The following STAT1 variants were observed in gnomAD, a reference collection of about 807,000 sequenced individuals.
The protein encoded by STAT1 is signal transducer and activator of transcription 1-alpha/beta.
STAT1 carries 24 observed loss-of-function variants against 111.7 expected under a neutral mutation model. The observed-to-expected ratio is 0.21, with a 90% CI of 0.16 to 0.30. STAT1 has a LOEUF of 0.30. Among genes scored for constraint, STAT1 ranks in the 10% least tolerant of loss-of-function variants. The pLI is 1.00. For missense variants in STAT1, 351 were observed against 911.9 expected, an observed-to-expected ratio of 0.38 and a Z score of 7.92; for synonymous variants, 332 against 326.5, an observed-to-expected ratio of 1.02 and a Z score of -0.18.
In STAT1 at chr2:190,978,954, T is replaced by C; in HGVS notation, c.1775A>G (p.Lys592Arg). Reference protein sequence around the residue: ...ISKERERALLKDQQPGTFLLR... With the variant: ...ISKERERALLRDQQPGTFLLR... Reference sequence around the variant, plus strand: ...CAGGAAGGTCCCCGGCTGCTGGTCCTTCAACAGGGCACGCTCTCGCTCCTT... The same window carrying C: ...CAGGAAGGTCCCCGGCTGCTGGTCCCTCAACAGGGCACGCTCTCGCTCCTT... Residue 592 changes from lysine (K) to arginine (R), a missense_variant, in exon 21 of 25, where the codon AAG becomes AGG. By Grantham distance (26) the Lys-to-Arg change is conservative. This residue lies in a region of STAT1 where 181 missense variants were observed against 426.1 expected (regional missense o/e 0.42). Transcript: ENST00000361099. This position sits in a 1 kb window ranked among gnomAD's most constrained non-coding sequence, Gnocchi z 6.1. 2 of 1,614,190 alleles carry C rather than the reference T, an allele frequency of 1.2e-6. No homozygotes were observed. Among genetic ancestry groups the C allele is most frequent in the Non-Finnish European group, 8.5e-7 (1 of 1,180,030 alleles).
rs116151753 is a variant in STAT1, at chr2:190,981,512, C to T, written c.1583-843G>A. Among the ~76,000 whole-genome samples, 268 of 152,292 alleles carry T rather than the reference C, an allele frequency of 1.8e-3. No individual in the cohort carries two copies. The highest frequency in any genetic ancestry group is 6.2e-3 in the African/African-American group (259 of 41,564). ...GAGAACTACAAATGAGCCATTACAG[C>T]TAGAAAAGATATCCTTCTTAACTCT... On this transcript the variant is annotated intron_variant, in intron 18 of 24. Coordinates refer to ENST00000361099, the MANE Select transcript of STAT1 (RefSeq NM_007315.4). The surrounding 1 kb of genome is among the most constrained non-coding windows in gnomAD (Gnocchi z 4.1).
chr2:190,988,409 C>G (rs1693038701), intron 12 of STAT1, among the ~76,000 whole-genome samples: 1 of 152,198 alleles, frequency 6.6e-6, no homozygotes, highest in South Asian at 2.1e-4. Context: ...GACAGAGTCT[C>G]ACTCTGTCAC....
At position 191,014,083 on chromosome 2, in the gene STAT1, G is replaced by C. The variant is rs564075337; in HGVS notation, c.-221C>G. 1.9e-3 allele frequency: 316 copies of C among 162,500 alleles called. 2 individuals are homozygous for C. Among genetic ancestry groups the C allele is most frequent in the African/African-American group, 7.4e-3 (312 of 42,064 alleles). The allele number at this position is 162,500 out of a possible 1,614,324, so 10.1% of individuals were successfully genotyped here. ...GGTGCAGCCTCTCCCGAGCGCGCTG[G>C]GTCGCCTCTGCTCGGTCTGGGGTCT... On this transcript the variant is annotated 5_prime_UTR_variant, in exon 1 of 25. Coordinates refer to ENST00000361099, the MANE Select transcript of STAT1 (RefSeq NM_007315.4).
intron 10 of STAT1, 40 bp from the exon 11 acceptor site, chr2:190,991,360 C>T (rs745951022): frequency 1.3e-6 from 2 of 1,593,768 alleles, no homozygotes; most frequent in South Asian, 1.1e-5. Flanking sequence ...TTAGCATTTC[C>T]ATTAAGGTTG....
rs1235334359 is a variant in STAT1, at chr2:190,999,288, T to C, written c.541+338A>G. On this transcript the variant is annotated intron_variant, in intron 7 of 24. Transcript: ENST00000361099. The surrounding 1 kb of genome is among the most constrained non-coding windows in gnomAD (Gnocchi z 4.1). ...ATGGTGAGTAACACATAACCAGTGG[T>C]TATCAAGTAGGGGTCACTGACCCCT... 6.6e-6 allele frequency among the ~76,000 whole-genome samples: 1 copy of C among 151,998 alleles called. No individual in the cohort carries two copies. The highest frequency in any genetic ancestry group is 1.5e-5 in the Non-Finnish European group (1 of 68,004).
rs963299906 is a variant in STAT1, at chr2:191,006,153, G to A, written c.372+1410C>T. On this transcript the variant is annotated intron_variant, in intron 5 of 24. Coordinates refer to ENST00000361099, the MANE Select transcript of STAT1 (RefSeq NM_007315.4). This position sits in a 1 kb window ranked among gnomAD's most constrained non-coding sequence, Gnocchi z 4.6. ...TCTTTGCTCCTGGCTGTCCTTTCAA[G>A]TCTATTAGAAATACAGAGGAGGCCC... is the stretch of plus-strand genomic sequence containing the variant. Among the ~76,000 whole-genome samples, 6 of 152,196 alleles carry A rather than the reference G, an allele frequency of 3.9e-5. No homozygotes were observed. Among genetic ancestry groups the A allele is most frequent in the Non-Finnish European group, 7.3e-5 (5 of 68,036 alleles).
At chr2:190,972,153 C>G (rs1691532724) in intron 24 of STAT1, among the ~76,000 whole-genome samples, 1 of 152,168 alleles carries the variant, frequency 6.6e-6, no homozygotes, top group South Asian at 2.1e-4. Context: ...AGTGGCTTAA[C>G]CTCTCTAAAT....
rs186622867 is a variant in STAT1 at position 190,981,580 on chromosome 2, T to C, written c.1582+803A>G. Among the ~76,000 whole-genome samples, 1 of 152,328 alleles carries C rather than the reference T, an allele frequency of 6.6e-6. No individual in the cohort carries two copies. Among genetic ancestry groups the C allele is most frequent in the Admixed American group, 6.5e-5 (1 of 15,310 alleles). On this transcript the variant is annotated intron_variant, in intron 18 of 24. Coordinates refer to ENST00000361099, the MANE Select transcript of STAT1 (RefSeq NM_007315.4). The surrounding 1 kb of genome is among the most constrained non-coding windows in gnomAD (Gnocchi z 4.1). ...GAATAAGGGGATTTTGTACTTGTAT[T>C]AAACAGCACAAGACCACCACTGTGA...
Position 190,973,456 on chromosome 2 carries a change from A to G in STAT1, c.2238+1374T>C, listed in dbSNP as rs1293771928. Among the ~76,000 whole-genome samples the G allele has an allele frequency of 6.6e-6, 1 of 152,202 alleles. No individual in the cohort carries two copies. ...GGACTGAATGAGTTACTACCTGTGA[A>G]GTACATGGTATACTGTAGGTGCTTA... On this transcript the variant is annotated intron_variant, in intron 24 of 24. Transcript: ENST00000361099. This position sits in a 1 kb window ranked among gnomAD's most constrained non-coding sequence, Gnocchi z 4.4.
Position 190,989,796 on chromosome 2 carries a change from C to CA in STAT1, c.1038-123dup, listed in dbSNP as rs935733612. ...CCCTCCAGTTTTAGGGTATTACCAA[C>CA]AAAAAAACTGACAGTTTTGTAGATC... is the stretch of plus-strand genomic sequence containing the variant. On this transcript the variant is annotated intron_variant, in intron 11 of 24. Coordinates refer to ENST00000361099, the MANE Select transcript of STAT1 (RefSeq NM_007315.4). The surrounding 1 kb of genome is among the most constrained non-coding windows in gnomAD (Gnocchi z 5.0). 1.3e-5 allele frequency: 9 copies of CA among 674,604 alleles called. No homozygotes were observed. Among genetic ancestry groups the CA allele is most frequent in the South Asian group, 3.6e-5 (2 of 55,376 alleles). The allele number at this position is 674,604 out of a possible 1,614,324, so 41.8% of individuals were successfully genotyped here.
At chr2:190,994,941 T>TATATATAA (rs1483056547) in intron 10 of STAT1, 120 bp downstream of exon 10, 8 of 204,740 alleles carry the variant, frequency 3.9e-5, no homozygotes, top group African/African-American at 2.2e-4. Flanking sequence ...TATATATATA[T>TATATATAA]ATATATATAT....
In STAT1 at chr2:191,000,874, A is replaced by C. The variant is rs1415868267; in HGVS notation, c.462+200T>G. Among the ~76,000 whole-genome samples, 3 of 152,232 alleles carry C rather than the reference A, an allele frequency of 2.0e-5. No homozygotes were observed. The highest frequency in any genetic ancestry group is 4.4e-5 in the Non-Finnish European group (3 of 68,040). On this transcript the variant is annotated intron_variant, in intron 6 of 24. Transcript: ENST00000361099. The surrounding 1 kb of genome is among the most constrained non-coding windows in gnomAD (Gnocchi z 4.8). Reference sequence around the variant, plus strand: ...AAGCTAAACTCAATGTTTGGCAGTTATAAGAGGCCATTCAAAAAGTCTATC... The same window carrying C: ...AAGCTAAACTCAATGTTTGGCAGTTCTAAGAGGCCATTCAAAAAGTCTATC...
In STAT1 at chr2:190,993,636, C is replaced by G; in HGVS notation, c.944+1425G>C. On this transcript the variant is annotated intron_variant, in intron 10 of 24. Coordinates refer to ENST00000361099, the MANE Select transcript of STAT1 (RefSeq NM_007315.4). This position sits in a 1 kb window ranked among gnomAD's most constrained non-coding sequence, Gnocchi z 4.1. ...CAGCTGCTGCCCTGACTCTCTGCAC[C>G]ACGGGTAACTGAAGGAAAGGAATGA... 1.8e-6 allele frequency: 1 copy of G among 559,446 alleles called. No individual in the cohort carries two copies. Among genetic ancestry groups the G allele is most frequent in the South Asian group, 1.6e-5 (1 of 63,200 alleles). The allele number at this position is 559,446 out of a possible 1,614,324, so 34.7% of individuals were successfully genotyped here. A position where few individuals can be genotyped will look rare whatever the true frequency, so the allele number is the denominator to read the frequency against.
At chr2:190,991,187 C>T (rs1035315177) in intron 11 of STAT1, 41 bp downstream of exon 11, 22 of 1,589,532 alleles carry the variant, frequency 1.4e-5, no homozygotes, top group African/African-American at 1.1e-4. Flanking sequence ...GTACAAACTA[C>T]GTGACAGGTG....
rs1401242051 is a variant in STAT1 at position 190,977,464 on chromosome 2, A to G, written c.1874-439T>C. Among the ~76,000 whole-genome samples the G allele has an allele frequency of 6.6e-6, 1 of 152,230 alleles. No individual in the cohort carries two copies. Among genetic ancestry groups the G allele is most frequent in the Admixed American group, 6.5e-5 (1 of 15,286 alleles). On this transcript the variant is annotated intron_variant, in intron 21 of 24. Transcript: ENST00000361099. This position sits in a 1 kb window ranked among gnomAD's most constrained non-coding sequence, Gnocchi z 4.7. The stretch of plus-strand genomic sequence containing the variant: ...ATCTAATTTTTTATTAAAATAAATT[A>G]TGATATATAGAAAACAACATTTCAA...
In STAT1 at chr2:190,974,272, A is replaced by G. The variant is rs9789700; in HGVS notation, c.2238+558T>C. 7.9e-3 allele frequency among the ~76,000 whole-genome samples: 1,199 copies of G among 152,270 alleles called. 33 individuals carry two copies. The highest frequency in any genetic ancestry group is 0.054 in the East Asian group (280 of 5,174). ...AATCATATTCCCATTTCTATCACGA[A>G]TCTCATTAACTATTTCACTCCTTGA... On this transcript the variant is annotated intron_variant, in intron 24 of 24. Coordinates refer to ENST00000361099, the MANE Select transcript of STAT1 (RefSeq NM_007315.4). The surrounding 1 kb of genome is among the most constrained non-coding windows in gnomAD (Gnocchi z 4.8).
intron 12 of STAT1, among the ~76,000 whole-genome samples, chr2:190,988,142 A>C (rs566274907): frequency 2.5e-4 from 38 of 152,286 alleles, no homozygotes; most frequent in African/African-American, 8.4e-4. Flanking sequence ...GATGCTATAG[A>C]TGTTCCAAGG....
Position 191,003,758 on chromosome 2 carries a change from T to C in STAT1, c.373-2595A>G, listed in dbSNP as rs2125086868. On this transcript the variant is annotated intron_variant, in intron 5 of 24. Transcript: ENST00000361099. This position sits in a 1 kb window ranked among gnomAD's most constrained non-coding sequence, Gnocchi z 4.0. ...CTTATAAATTACCCAGTCTCAGGTA[T>C]TTCTTTATAGCCATGCAAGAACAGA... is the stretch of plus-strand genomic sequence containing the variant. 6.6e-6 allele frequency among the ~76,000 whole-genome samples: 1 copy of C among 152,292 alleles called. No homozygotes were observed. The highest frequency in any genetic ancestry group is 1.9e-4 in the East Asian group (1 of 5,186).
chr2:190,997,782 C>A lies in STAT1; in HGVS notation c.785+74G>T. On this transcript the variant is annotated intron_variant, in intron 9 of 24. Coordinates refer to ENST00000361099, the MANE Select transcript of STAT1 (RefSeq NM_007315.4). The surrounding 1 kb of genome is among the most constrained non-coding windows in gnomAD (Gnocchi z 7.3). Reference sequence around the variant, plus strand: ...TTTGACAGGGTCCATTCAACTAACACAGCTCAAAGGTACATTTATGTGTTT... The same window carrying A: ...TTTGACAGGGTCCATTCAACTAACAAAGCTCAAAGGTACATTTATGTGTTT... 6.2e-7 allele frequency: 1 copy of A among 1,605,186 alleles called. No individual in the cohort carries two copies. Among genetic ancestry groups the A allele is most frequent in the Non-Finnish European group, 8.5e-7 (1 of 1,175,390 alleles).
Sources: allele counts gnomAD v4.1 joint callset (sites outside exome capture counted in the v4.1 genomes callset), GRCh38; gene constraint gnomAD v4.1.1; regional missense constraint gnomAD v4.1.1; non-coding constraint Gnocchi (gnomAD v3.1); transcripts MANE v1.5; gene names NCBI Gene and HGNC (gene_info 2026-07-23, HGNC 2026-07-21).